Variants in EYS observed in about 807,000 individuals in gnomAD.
The protein encoded by EYS is protein eyes shut homolog.
EYS carries 250 observed loss-of-function variants against 282.1 expected under a neutral mutation model. That is an observed-to-expected ratio of 0.89 (90% CI 0.80 to 0.98). The LOEUF (loss-of-function observed/expected upper bound fraction) is 0.98. EYS is among the 50% of genes least tolerant of loss of function. EYS has a pLI of 0.00. For missense variants in EYS, 4,016 were observed against 3,709.0 expected (o/e 1.08, Z -2.15); for synonymous variants, 1,355 against 1,282.9 (o/e 1.06, Z -1.20).
At chr6:64,017,997 T>A (rs552702798) in intron 33 of EYS, among the ~76,000 whole-genome samples, 1 of 152,324 alleles carries the variant, frequency 6.6e-6, no homozygotes, top group East Asian at 1.9e-4. Flanking sequence ...AAATCAGAGA[T>A]CCATGCAGTA....
chr6:65,678,254 C>T (rs116535273), intron 1 of EYS, among the ~76,000 whole-genome samples: 96 of 152,024 alleles, frequency 6.3e-4, no homozygotes, highest in African/African-American at 2.1e-3. Flanking sequence ...CCCCATGAGC[C>T]AAACATTCCC....
At chr6:64,367,227 T>G (rs572493276) in intron 29 of EYS, among the ~76,000 whole-genome samples, 1 of 152,164 alleles carries the variant, frequency 6.6e-6, no homozygotes, top group East Asian at 1.9e-4. Flanking sequence ...AGATCCTCTC[T>G]TCCTAGCAAA....
chr6:64,664,482 T>A (rs143593549), intron 22 of EYS, among the ~76,000 whole-genome samples: 1 of 152,124 alleles, frequency 6.6e-6, no homozygotes, highest in African/African-American at 2.4e-5. Context: ...CAATATGATA[T>A]GTCTGGAAAG....
chr6:64,917,750 T>A (rs1369351263), intron 15 of EYS, among the ~76,000 whole-genome samples: 2 of 152,176 alleles, frequency 1.3e-5, no homozygotes, highest in Non-Finnish European at 2.9e-5. Context: ...TTAGCTTGAT[T>A]TACCCATTTC....
At chr6:63,753,493 A>C (rs1769397674) in intron 41 of EYS, among the ~76,000 whole-genome samples, 1 of 152,154 alleles carries the variant, frequency 6.6e-6, no homozygotes, top group Non-Finnish European at 1.5e-5. Context: ...GTCTATTTTC[A>C]CACTGCTATA....
At chr6:64,532,204 A>T (rs1483093488) in intron 26 of EYS, among the ~76,000 whole-genome samples, 2 of 152,182 alleles carry the variant, frequency 1.3e-5, no homozygotes, top group African/African-American at 4.8e-5. Flanking sequence ...AGAGTTTGGA[A>T]AGTTGACAGC....
At position 64,765,795 on chromosome 6, in the gene EYS, G is replaced by GC. The variant is rs779466195; in HGVS notation, c.3443+47582dup. ...CATGAGAACAGCTTGGAGGAAATCT[G>GC]CCCCCCATGATCCAATCACCTCCCA... On this transcript the variant is annotated intron_variant, in intron 22 of 42. Transcript: ENST00000503581. Among the ~76,000 whole-genome samples, 30 of 152,056 alleles carry GC rather than the reference G, an allele frequency of 2.0e-4. 2 individuals carry two copies. The highest frequency in any genetic ancestry group is 1.6e-3 in the Admixed American group (24 of 15,258).
intron 19 of EYS, among the ~76,000 whole-genome samples, chr6:64,851,328 A>T (rs1182095313): frequency 6.6e-6 from 1 of 152,038 alleles, no homozygotes; most frequent in Non-Finnish European, 1.5e-5. Context: ...TTTTTTTTAA[A>T]AAAATAAGGA....
intron 12 of EYS, among the ~76,000 whole-genome samples, chr6:65,117,049 A>G (rs997815434): frequency 6.6e-6 from 1 of 152,168 alleles, no homozygotes; most frequent in African/African-American, 2.4e-5. Context: ...TGGCCAGTCA[A>G]ATGTGAGTAG....
intron 26 of EYS, among the ~76,000 whole-genome samples, chr6:64,490,519 AATTAATGAT>A (rs2150505515): frequency 6.6e-6 from 1 of 151,026 alleles, no homozygotes; most frequent in African/African-American, 2.4e-5. Flanking sequence ...ATTTATTTGT[AATTAATGAT>A]GACAGAAACC....
intron 19 of EYS, among the ~76,000 whole-genome samples, chr6:64,836,813 A>C (rs923329400): frequency 8.6e-5 from 13 of 151,642 alleles, no homozygotes; most frequent in African/African-American, 1.2e-4. Context: ...TATAATAAAA[A>C]TTTCACACAT....
chr6:64,159,908 C>T (rs145993648), intron 31 of EYS, among the ~76,000 whole-genome samples: 2 of 151,986 alleles, frequency 1.3e-5, no homozygotes, highest in East Asian at 3.9e-4. Flanking sequence ...TTCCTTTGTT[C>T]GGAATAATAA....
At position 64,287,773 on chromosome 6, in the gene EYS, T is replaced by C. The variant is rs138713337; in HGVS notation, c.6191+19197A>G. Reference sequence around the variant, plus strand: ...ACAAAATACATCTCATGGTTAACAATAGACCGGAAAGATTATCATATTATC... The same window carrying C: ...ACAAAATACATCTCATGGTTAACAACAGACCGGAAAGATTATCATATTATC... On this transcript the variant is annotated intron_variant, in intron 30 of 42. Coordinates refer to ENST00000503581, the MANE Select transcript of EYS (RefSeq NM_001142800.2). Among the ~76,000 whole-genome samples the C allele has an allele frequency of 1.9e-3, 292 of 152,216 alleles. 1 individual carries two copies. Among genetic ancestry groups the C allele is most frequent in the African/African-American group, 6.7e-3 (280 of 41,560 alleles).
At chr6:64,074,292 AG>A (rs1771689606) in intron 32 of EYS, among the ~76,000 whole-genome samples, 1 of 151,346 alleles carries the variant, frequency 6.6e-6, no homozygotes, top group Non-Finnish European at 1.5e-5. Context: ...GATAATTCTA[AG>A]AAGTTTGAAT....
chr6:63,926,571 G>C (rs981639816), intron 35 of EYS, among the ~76,000 whole-genome samples: 1 of 152,190 alleles, frequency 6.6e-6, no homozygotes, highest in Non-Finnish European at 1.5e-5. Flanking sequence ...GAGAAAGAGG[G>C]TAAGTGGCTT....
In EYS at chr6:63,874,003, A is replaced by T. The variant is rs181987883; in HGVS notation, c.7056-9645T>A. On this transcript the variant is annotated intron_variant, in intron 35 of 42. Coordinates refer to ENST00000503581, the MANE Select transcript of EYS (RefSeq NM_001142800.2). ...TGCAGAAGCTCTTTAGTTTAATTAG[A>T]TCCCATTTGTCAATTTTGGCTTATG... Among the ~76,000 whole-genome samples the T allele has an allele frequency of 4.7e-3, 712 of 152,058 alleles. 5 individuals carry two copies. Among genetic ancestry groups the T allele is most frequent in the African/African-American group, 0.017 (688 of 41,476 alleles).
chr6:64,171,789 G>A (rs542809688), intron 31 of EYS, among the ~76,000 whole-genome samples: 6 of 152,172 alleles, frequency 3.9e-5, no homozygotes, highest in East Asian at 1.9e-4. Flanking sequence ...TTCCTTCTCC[G>A]TGTGTTGGCT....
intron 5 of EYS, among the ~76,000 whole-genome samples, chr6:65,460,851 G>A (rs1384481339): frequency 6.6e-6 from 1 of 151,990 alleles, no homozygotes; most frequent in Admixed American, 6.6e-5. Context: ...TTAACACGAT[G>A]CATTACTATA....
intron 21 of EYS, among the ~76,000 whole-genome samples, chr6:64,821,318 G>A (rs551237349): frequency 2.0e-4 from 31 of 152,012 alleles, no homozygotes; most frequent in Non-Finnish European, 3.4e-4. Flanking sequence ...CAGGGAGGAC[G>A]AGGCAGATGG....
Sources: gnomAD v4.1 joint callset for allele counts (sites outside exome capture counted in the v4.1 genomes callset) on GRCh38, gnomAD v4.1.1 for gene constraint, MANE v1.5 for transcripts, NCBI Gene and HGNC (gene_info 2026-07-23, HGNC 2026-07-21) for gene names.